Variants in LITAF observed in about 807,000 individuals in gnomAD.
LITAF encodes the protein lipopolysaccharide induced TNF factor.
In LITAF, 9 loss-of-function variants were observed where a neutral mutation model predicts 14.5. That is an observed-to-expected ratio of 0.62 (90% CI 0.37 to 1.08). LITAF has a LOEUF of 1.08. Ranked by LOEUF, LITAF falls within the 50% of genes least tolerant of loss-of-function variation. LITAF has a pLI of 0.01. For synonymous variants in LITAF, 98 were observed against 88.2 expected (o/e 1.11, Z -0.62); for missense variants, 206 against 213.4 (o/e 0.97, Z 0.22).
intron 3 of LITAF, among the ~76,000 whole-genome samples, chr16:11,615,838 T>C (rs1272357131): frequency 2.6e-5 from 4 of 152,104 alleles, no homozygotes; most frequent in African/African-American, 9.7e-5. Flanking sequence ...CGTATGCTAA[T>C]GGGATGACTC....
intron 1 of LITAF, among the ~76,000 whole-genome samples, chr16:11,572,461 C>G (rs1356107957): frequency 1.3e-5 from 2 of 152,086 alleles, no homozygotes; most frequent in Non-Finnish European, 2.9e-5. Flanking sequence ...ACATCACACA[C>G]CAGCGAGAAG....
chr16:11,604,807 G>A lies in LITAF; in HGVS notation c.85+28726C>T, dbSNP rs569350436. ...GTTATTTCCTTTGGGCAAATTCCCAGAAGTGTGATTACTGACGAGAAAAGT... is the reference window on the plus strand; with the variant it reads ...GTTATTTCCTTTGGGCAAATTCCCAAAAGTGTGATTACTGACGAGAAAAGT... On this transcript the variant is annotated intron_variant, in intron 3 of 3. Coordinates refer to the LITAF transcript ENST00000574848. 6.0e-5 allele frequency among the ~76,000 whole-genome samples: 9 copies of A among 150,322 alleles called. No homozygotes were observed. In the South Asian group the frequency reaches 1.9e-3, roughly 32 times the overall value.
At position 11,549,140 on chromosome 16, in the gene LITAF, G is replaced by C. The variant is rs1469955249; in HGVS notation, c.*497C>G. ...TCTCAAAGCCAAGCCTGTAAAGTCTGTAAGGCAAGATCTTTGTCATCAGGG... is the reference window on the plus strand; with the variant it reads ...TCTCAAAGCCAAGCCTGTAAAGTCTCTAAGGCAAGATCTTTGTCATCAGGG... On this transcript the variant is annotated 3_prime_UTR_variant, in exon 4 of 4. Transcript: ENST00000622633. This position sits in a 1 kb window ranked among gnomAD's most constrained non-coding sequence, Gnocchi z 4.6. The C allele has an allele frequency of 4.4e-6, 2 of 454,014 alleles. No homozygotes were observed. The highest frequency in any genetic ancestry group is 1.4e-4 in the East Asian group (2 of 14,406). The allele number at this position is 454,014 out of a possible 1,614,324, so 28.1% of individuals were successfully genotyped here. A position where few individuals can be genotyped will look rare whatever the true frequency, so the allele number is the denominator to read the frequency against.
intron 1 of LITAF, among the ~76,000 whole-genome samples, chr16:11,570,189 T>C (rs1347488852): frequency 1.3e-5 from 2 of 152,166 alleles, no homozygotes; most frequent in South Asian, 2.1e-4. Context: ...GGTTTCCTCA[T>C]CTGGAAAATG....
At position 11,579,459 on chromosome 16, in the gene LITAF, A is replaced by AAAAATAAAATAAAATAAAAT. The variant is rs57762611; in HGVS notation, c.-6+7407_-6+7426dup. 1.0e-3 allele frequency among the ~76,000 whole-genome samples: 115 copies of AAAAATAAAATAAAATAAAAT among 110,394 alleles called. 2 individuals carry two copies. Among genetic ancestry groups the AAAAATAAAATAAAATAAAAT allele is most frequent in the African/African-American group, 2.9e-3 (89 of 30,928 alleles). 72.4% of individuals were successfully genotyped at this position (110,394 alleles called of 152,430 possible). On this transcript the variant is annotated intron_variant, in intron 1 of 3. Coordinates refer to ENST00000622633, the MANE Select transcript of LITAF (RefSeq NM_001136472.2). ...GGCGACAGAGCGAGACTCCGTCTCA[A>AAAAATAAAATAAAATAAAAT]AAAATAAAATAAAATAAAATAAAAT...
chr16:11,631,046 C>G (rs1341847995), intron 3 of LITAF, among the ~76,000 whole-genome samples: 1 of 152,158 alleles, frequency 6.6e-6, no homozygotes, highest in African/African-American at 2.4e-5. Context: ...TTGCAGAAAC[C>G]GAGGCTTAAC....
At chr16:11,614,302 T>C (rs1483003958) in intron 3 of LITAF, among the ~76,000 whole-genome samples, 1 of 149,592 alleles carries the variant, frequency 6.7e-6, no homozygotes, top group Non-Finnish European at 1.5e-5. Context: ...TCTTTTCTTT[T>C]TTTTTTTTTT....
At chr16:11,638,117 T>TAGATAGATAG (rs1555475737), upstream of LITAF, among the ~76,000 whole-genome samples, 1 of 69,534 alleles carries the variant, frequency 1.4e-5, no homozygotes, top group African/African-American at 9.6e-5. Context: ...TATCTATCTA[T>TAGATAGATAG]ATAGATAGAT....
At chr16:11,571,743 G>C (rs538198478) in intron 1 of LITAF, among the ~76,000 whole-genome samples, 73 of 152,308 alleles carry the variant, frequency 4.8e-4, no homozygotes, top group African/African-American at 1.7e-3. Context: ...ACTGTGCTCA[G>C]ACAATGTCCC....
chr16:11,599,682 C>G (rs984930596), upstream of LITAF, among the ~76,000 whole-genome samples: 1 of 152,134 alleles, frequency 6.6e-6, no homozygotes, highest in Non-Finnish European at 1.5e-5. Flanking sequence ...ACTCTAGAGC[C>G]CTGTGTTACC....
upstream of LITAF, among the ~76,000 whole-genome samples, chr16:11,588,614 GAGA>G (rs1391273994): frequency 1.3e-5 from 2 of 151,492 alleles, no homozygotes; most frequent in African/African-American, 4.8e-5. Flanking sequence ...GGAGGGAGAA[GAGA>G]AGAACAGGAA....
rs1408150515 is a variant in LITAF, at chr16:11,558,057, C to T, written c.-5-1322G>A. On this transcript the variant is annotated intron_variant, in intron 1 of 3. Transcript: ENST00000622633. The surrounding 1 kb of genome is among the most constrained non-coding windows in gnomAD (Gnocchi z 4.1). Reference sequence around the variant, plus strand: ...TTAGAAGAGCCATTCAAACCTGTCTCGGGAGAAATGGGAAATGAGGCTCCG... The same window carrying T: ...TTAGAAGAGCCATTCAAACCTGTCTTGGGAGAAATGGGAAATGAGGCTCCG... 6.6e-6 allele frequency among the ~76,000 whole-genome samples: 1 copy of T among 152,084 alleles called. No individual in the cohort carries two copies. The highest frequency in any genetic ancestry group is 6.6e-5 in the Admixed American group (1 of 15,266).
intron 2 of LITAF, among the ~76,000 whole-genome samples, chr16:11,555,670 A>G (rs1025696636): frequency 1.3e-5 from 2 of 151,962 alleles, no homozygotes; most frequent in African/African-American, 2.4e-5. Context: ...AAAAAAAAAA[A>G]AAAGAAAAAG....
chr16:11,603,007 G>C (rs766663035), upstream of LITAF, among the ~76,000 whole-genome samples: 14 of 152,078 alleles, frequency 9.2e-5, no homozygotes, highest in Non-Finnish European at 1.8e-4. Context: ...CCAGCTACTC[G>C]GGAGGCTGAG....
In LITAF at chr16:11,592,979, G is replaced by C. The variant is rs374198318; in HGVS notation, c.-6+5409C>G. On this transcript the variant is annotated intron_variant, in intron 1 of 3. Coordinates refer to the LITAF transcript ENST00000571627. ...AGGTCAGGAGATCGAGACCATCCTG[G>C]CTAACAAGGTGAAACCCCGTCTGTA... Among the ~76,000 whole-genome samples, 35 of 152,180 alleles carry C rather than the reference G, an allele frequency of 2.3e-4. No homozygotes were observed. In the South Asian group the frequency reaches 7.0e-3, roughly 31 times the overall value.
chr16:11,584,536 G>A (rs1310219851), intron 1 of LITAF, among the ~76,000 whole-genome samples: 3 of 152,166 alleles, frequency 2.0e-5, no homozygotes, highest in Non-Finnish European at 4.4e-5. Flanking sequence ...ACCTGGGCTT[G>A]TCTGTACCTC....
rs563296508 is a variant in LITAF at position 11,604,604 on chromosome 16, C to T, written c.85+28929G>A. 2.2e-4 allele frequency among the ~76,000 whole-genome samples: 31 copies of T among 138,484 alleles called. No homozygotes were observed. In the South Asian group the frequency reaches 6.4e-3, roughly 28 times the overall value. The allele number at this position is 138,484 out of a possible 152,430, so 90.9% of individuals were successfully genotyped here. On this transcript the variant is annotated intron_variant, in intron 3 of 3. Transcript: ENST00000574848. Reference sequence around the variant, plus strand: ...GGAGGATTGCTTGAGCCCAGGAGTTCGAGACCAGCCTGGGCAACACAGCAA... The same window carrying T: ...GGAGGATTGCTTGAGCCCAGGAGTTTGAGACCAGCCTGGGCAACACAGCAA...
chr16:11,582,721 A>G (rs2064757226), intron 1 of LITAF, among the ~76,000 whole-genome samples: 1 of 152,214 alleles, frequency 6.6e-6, no homozygotes, highest in African/African-American at 2.4e-5. Context: ...TGTAAACAAG[A>G]AAGAGAACCA....
intron 1 of LITAF, among the ~76,000 whole-genome samples, chr16:11,574,047 A>C (rs2064590791): frequency 7.3e-6 from 1 of 137,672 alleles, no homozygotes; most frequent in Admixed American, 7.4e-5. Context: ...ACAGGTTCTC[A>C]CTGGGTTTTT....
Sources: gnomAD v4.1 joint callset for allele counts (sites outside exome capture counted in the v4.1 genomes callset) on GRCh38, gnomAD v4.1.1 for gene constraint, Gnocchi (gnomAD v3.1) non-coding constraint, MANE v1.5 for transcripts, NCBI Gene and HGNC (gene_info 2026-07-23, HGNC 2026-07-21) for gene names.